PHKA2: variants seen among roughly 807,000 people sequenced by gnomAD.
PHKA2 encodes the protein phosphorylase b kinase regulatory subunit alpha, liver isoform.
In PHKA2, 31 loss-of-function variants were observed where a neutral mutation model predicts 102.0. That is an observed-to-expected ratio of 0.30 (90% CI 0.23 to 0.41). PHKA2 has a LOEUF of 0.41. Among genes scored for constraint, PHKA2 ranks in the 10% least tolerant of loss-of-function variants. The pLI, the probability that PHKA2 is intolerant of heterozygous loss-of-function variation, is 1.00. For missense variants in PHKA2, 858 were observed against 1,023.1 expected (o/e 0.84, Z 2.20); for synonymous variants, 455 against 416.2 (o/e 1.09, Z -1.13).
In PHKA2 at chrX:18,984,058, G is replaced by C. The variant is rs1326657553; in HGVS notation, c.-126C>G. On this transcript the variant is annotated 5_prime_UTR_variant, in exon 1 of 33. Coordinates refer to ENST00000379942, the MANE Select transcript of PHKA2 (RefSeq NM_000292.3). ...CTTAGTCGGTTCTTGGGATGGGACC[G>C]GGCCGGAGGAGGTCGAGACTTTTCT... 3.6e-6 allele frequency: 2 copies of C among 562,920 alleles called. No individual in the cohort carries two copies. Among genetic ancestry groups the C allele is most frequent in the Non-Finnish European group, 6.2e-6 (2 of 324,552 alleles). 46.4% of individuals were successfully genotyped at this position (562,920 alleles called of 1,213,427 possible). A position where few individuals can be genotyped will look rare whatever the true frequency, so the allele number is the denominator to read the frequency against.
chrX:18,940,644 G>A (rs780419554), intron 8 of PHKA2, among the ~76,000 whole-genome samples: 2 of 111,810 alleles, frequency 1.8e-5, no homozygotes, highest in African/African-American at 6.5e-5. Flanking sequence ...TTAATCTGAC[G>A]CCCTTAATCC....
At chrX:18,897,603 C>G (rs1043934800) in intron 29 of PHKA2, 1 of 383,667 alleles carries the variant, frequency 2.6e-6, no homozygotes, top group African/African-American at 2.6e-5. Context: ...AAGGAGGAGG[C>G]CGAACAGGGC....
At chrX:18,955,959 C>G (rs188099397) in intron 1 of PHKA2, among the ~76,000 whole-genome samples, 35 of 112,450 alleles carry the variant, frequency 3.1e-4, no homozygotes, top group African/African-American at 1.1e-3. Flanking sequence ...GAATTGAAAC[C>G]TAGGAATGAC....
chrX:18,924,472 C>T lies in PHKA2; in HGVS notation c.1623G>A (p.Glu541=). The T allele has an allele frequency of 8.3e-7, 1 of 1,210,282 alleles. No individual in the cohort carries two copies. The highest frequency in any genetic ancestry group is 1.8e-5 in the South Asian group (1 of 56,960). ...GGTAGGCCAGCTCGATCCTTAGCAT[C>T]TCCACGATCATCTCATTGTCGAGGG... ...YLALDNEMIV[E]MLRIELAYLC... The change falls in exon 16 of 33, where the codon GAG becomes GAA. Residue 541 remains glutamate, a synonymous_variant. Transcript: ENST00000379942.
rs1569293587 is a variant in PHKA2 at position 18,901,550 on chromosome X, C to G, written c.2962G>C (p.Gly988Arg). 8.3e-7 allele frequency: 1 copy of G among 1,205,908 alleles called. No individual in the cohort carries two copies. Among genetic ancestry groups the G allele is most frequent in the Non-Finnish European group, 1.1e-6 (1 of 892,177 alleles). Residue 988 changes from glycine to arginine, a missense_variant, in exon 27 of 33, where the codon GGC becomes CGC. Coordinates refer to ENST00000379942, the MANE Select transcript of PHKA2 (RefSeq NM_000292.3). ...SSPTISIHEV[G>R]HTGVTKTERS... ...TCAGTTTTGGTGACTCCGGTATGGC[C>G]CACCTCGTGGATGGAGATGGTAGGG...
intron 1 of PHKA2, among the ~76,000 whole-genome samples, chrX:18,961,653 C>G (rs974469096): frequency 3.3e-5 from 3 of 91,077 alleles, no homozygotes; most frequent in African/African-American, 1.3e-4. Flanking sequence ...GCGCAAGACT[C>G]CATCTCAAAA....
intron 19 of PHKA2, among the ~76,000 whole-genome samples, chrX:18,911,599 G>A (rs762021138): frequency 5.3e-5 from 6 of 112,260 alleles, no homozygotes; most frequent in African/African-American, 1.9e-4. Context: ...TTGAGCCACC[G>A]TTCCCGGCCA....
rs1410075273 is a variant in PHKA2, at chrX:18,920,218, G to A, written c.1794-17C>T. 2 of 827,488 alleles carry A rather than the reference G, an allele frequency of 2.4e-6. No homozygotes were observed. Among genetic ancestry groups the A allele is most frequent in the Non-Finnish European group, 3.7e-6 (2 of 546,203 alleles). 68.2% of individuals were successfully genotyped at this position (827,488 alleles called of 1,213,427 possible). ...AATTTTACTCTGCCAAGAAGACACCGTGTTAGGGACACAGGTAGTGTGTGG... is the reference window on the plus strand; with the variant it reads ...AATTTTACTCTGCCAAGAAGACACCATGTTAGGGACACAGGTAGTGTGTGG... On this transcript the variant is annotated splice_polypyrimidine_tract_variant and intron_variant, in intron 17 of 32. Coordinates refer to ENST00000379942, the MANE Select transcript of PHKA2 (RefSeq NM_000292.3).
At chrX:18,925,858 G>T in intron 14 of PHKA2, 81 bp from the exon 15 acceptor site, 1 of 669,891 alleles carries the variant, frequency 1.5e-6, no homozygotes, top group Non-Finnish European at 2.4e-6. Flanking sequence ...CTAAGACTGA[G>T]CTTATTTCTA....
intron 23 of PHKA2, 44 bp downstream of exon 23, chrX:18,906,974 A>G: frequency 9.0e-7 from 1 of 1,108,105 alleles, no homozygotes; most frequent in Non-Finnish European, 1.2e-6. Context: ...TGTTTTCCCC[A>G]TGGCTCCCCC....
At position 18,906,686 on chromosome X, in the gene PHKA2, T is replaced by G. The variant is rs368777561; in HGVS notation, c.2676+50A>C. On this transcript the variant is annotated intron_variant, in intron 24 of 32. Transcript: ENST00000379942. Reference sequence around the variant, plus strand: ...CAGGGTGAGTGGCTGAAGGGTCCCCTCCACTCTGAGGAAGGCTGTGGCCCG... The same window carrying G: ...CAGGGTGAGTGGCTGAAGGGTCCCCGCCACTCTGAGGAAGGCTGTGGCCCG... 6 of 1,180,167 alleles carry G rather than the reference T, an allele frequency of 5.1e-6. No individual in the cohort carries two copies. The African/African-American group carries it at 1.1e-4, about 21-fold the overall frequency.
At position 18,968,076 on chromosome X, in the gene PHKA2, T is replaced by A. The variant is rs190724726; in HGVS notation, c.79-13664A>T. Among the ~76,000 whole-genome samples, 524 of 111,750 alleles carry A rather than the reference T, an allele frequency of 4.7e-3. 2 individuals are homozygous for A. The highest frequency in any genetic ancestry group is 8.5e-3 in the Non-Finnish European group (451 of 53,191). On this transcript the variant is annotated intron_variant, in intron 1 of 32. Coordinates refer to ENST00000379942, the MANE Select transcript of PHKA2 (RefSeq NM_000292.3). ...TGTCAACATAAGTAAAATTTTTGTA[T>A]AATTTCAAAACAAAACATTAAAAAA...
chrX:18,966,806 C>T (rs964952838), intron 1 of PHKA2, among the ~76,000 whole-genome samples: 2 of 111,828 alleles, frequency 1.8e-5, no homozygotes, highest in African/African-American at 6.5e-5. Context: ...CAGTGCTGCC[C>T]GAAATGCTGG....
At chrX:18,898,503 A>G (rs1456137771) in intron 29 of PHKA2, among the ~76,000 whole-genome samples, 1 of 113,054 alleles carries the variant, frequency 8.8e-6, no homozygotes, top group Non-Finnish European at 1.9e-5. Context: ...TCAAATGTGC[A>G]CAGTCAAATG....
chrX:18,902,384 G>A (rs1180513520), intron 26 of PHKA2, among the ~76,000 whole-genome samples: 5 of 106,047 alleles, frequency 4.7e-5, no homozygotes, highest in African/African-American at 6.9e-5. Context: ...CGATCTGCCC[G>A]CCTCAGCCTC....
intron 28 of PHKA2, among the ~76,000 whole-genome samples, chrX:18,900,022 G>A (rs377038596): frequency 1.8e-5 from 2 of 111,383 alleles, no homozygotes; most frequent in East Asian, 5.7e-4. Flanking sequence ...GAGGGACGGT[G>A]CCACCGAGTG....
intron 1 of PHKA2, among the ~76,000 whole-genome samples, chrX:18,981,731 C>A (rs754590095): frequency 2.6e-4 from 29 of 111,335 alleles, no homozygotes; most frequent in Non-Finnish European, 5.1e-4. Flanking sequence ...GCAAGGACCA[C>A]GAGGCCTGGG....
intron 5 of PHKA2, among the ~76,000 whole-genome samples, chrX:18,946,448 C>A (rs1470326946): frequency 9.0e-6 from 1 of 111,263 alleles, no homozygotes. Flanking sequence ...TCTAAAATGA[C>A]AAGTGGTGTA....
chrX:18,949,912 T>G (rs1247050263), intron 4 of PHKA2, among the ~76,000 whole-genome samples: 1 of 112,539 alleles, frequency 8.9e-6, no homozygotes, highest in Non-Finnish European at 1.9e-5. Context: ...TTTCTGGGAT[T>G]TTGAGAGTTT....
Sources: gnomAD v4.1 joint callset for allele counts (sites outside exome capture counted in the v4.1 genomes callset) on GRCh38, gnomAD v4.1.1 for gene constraint, MANE v1.5 for transcripts, NCBI Gene and HGNC (gene_info 2026-07-23, HGNC 2026-07-21) for gene names.